The following PTPRD variants were observed in gnomAD, a reference collection of about 807,000 sequenced individuals.
PTPRD encodes protein tyrosine phosphatase receptor type D.
PTPRD carries 34 observed loss-of-function variants against 214.5 expected under a neutral mutation model. The observed-to-expected ratio is 0.16, with a 90% CI of 0.12 to 0.21. The LOEUF is 0.21. PTPRD is among the 10% of genes least tolerant of loss of function. The pLI, the probability that PTPRD is intolerant of heterozygous loss-of-function variation, is 1.00. For missense variants in PTPRD, 2,545 were observed against 2,398.7 expected (o/e 1.06, Z -1.27); for synonymous variants, 1,128 against 845.7 (o/e 1.33, Z -5.79).
intron 8 of PTPRD, among the ~76,000 whole-genome samples, chr9:9,411,927 C>T (rs1034928579): frequency 1.3e-5 from 2 of 152,184 alleles, no homozygotes; most frequent in Non-Finnish European, 2.9e-5. Context: ...TCACTTAGAC[C>T]AACCCTGTCA....
intron 11 of PTPRD, among the ~76,000 whole-genome samples, chr9:8,832,104 ATGTGTGTGTGTG>A (rs34699954): frequency 1.6e-4 from 24 of 148,868 alleles, no homozygotes; most frequent in Admixed American, 5.4e-4. Context: ...GTATGTGTAT[ATGTGTGTGTGTG>A]TGTGTGTGTG....
At chr9:9,015,367 A>G (rs1482161053) in intron 11 of PTPRD, among the ~76,000 whole-genome samples, 3 of 152,148 alleles carry the variant, frequency 2.0e-5, no homozygotes, top group Non-Finnish European at 4.4e-5. Flanking sequence ...GATGGCCACA[A>G]GAGTGACCTC....
intron 8 of PTPRD, among the ~76,000 whole-genome samples, chr9:9,465,629 T>C (rs2094082778): frequency 6.6e-6 from 1 of 152,218 alleles, no homozygotes; most frequent in Non-Finnish European, 1.5e-5. Context: ...TTGAGAACGA[T>C]CCTCTCTTCC....
At chr9:9,033,035 T>G (rs1336756524) in intron 10 of PTPRD, among the ~76,000 whole-genome samples, 2 of 152,156 alleles carry the variant, frequency 1.3e-5, no homozygotes, top group Non-Finnish European at 2.9e-5. Flanking sequence ...ACCCACCATC[T>G]GTAGTGCTCA....
At chr9:9,026,151 T>C (rs905793700) in intron 10 of PTPRD, among the ~76,000 whole-genome samples, 1 of 151,500 alleles carries the variant, frequency 6.6e-6, no homozygotes, top group African/African-American at 2.4e-5. Flanking sequence ...GGCTGATAAT[T>C]TGAGCTGAGA....
At chr9:8,496,741 C>G (rs1250425518) in intron 26 of PTPRD, among the ~76,000 whole-genome samples, 1 of 152,240 alleles carries the variant, frequency 6.6e-6, no homozygotes, top group Non-Finnish European at 1.5e-5. Flanking sequence ...ACCAAACAAT[C>G]TGACATCTCC....
intron 3 of PTPRD, among the ~76,000 whole-genome samples, chr9:10,243,518 A>G (rs573832492): frequency 6.6e-6 from 1 of 152,112 alleles, no homozygotes; most frequent in Non-Finnish European, 1.5e-5. Context: ...ATACAATTGC[A>G]TAGGTCCTCT....
intron 3 of PTPRD, among the ~76,000 whole-genome samples, chr9:10,081,055 T>A (rs2098228218): frequency 6.6e-6 from 1 of 152,208 alleles, no homozygotes; most frequent in East Asian, 1.9e-4. Flanking sequence ...GTATGGAATA[T>A]CTACTAAGAA....
intron 8 of PTPRD, among the ~76,000 whole-genome samples, chr9:9,402,954 G>T (rs1487255459): frequency 1.1e-5 from 1 of 94,504 alleles, no homozygotes; most frequent in Non-Finnish European, 1.9e-5. Flanking sequence ...TTCAACATTT[G>T]TCTAATAGGG....
intron 3 of PTPRD, among the ~76,000 whole-genome samples, chr9:10,219,960 T>G (rs1485786340): frequency 6.6e-6 from 1 of 151,778 alleles, no homozygotes; most frequent in African/African-American, 2.4e-5. Context: ...GAGTATGATC[T>G]ATGATTTCTA....
chr9:9,026,400 G>T (rs537204049), intron 10 of PTPRD, among the ~76,000 whole-genome samples: 64 of 152,020 alleles, frequency 4.2e-4, no homozygotes, highest in African/African-American at 1.5e-3. Flanking sequence ...GTTGACCATA[G>T]TAAGGTAACA....
intron 7 of PTPRD, among the ~76,000 whole-genome samples, chr9:9,629,238 G>GTATATATATATATATATATATATA (rs113482595): frequency 1.1e-4 from 16 of 140,384 alleles, no homozygotes; most frequent in African/African-American, 3.9e-4. Flanking sequence ...GTGTGTGTGT[G>GTATATATATATATATATATATATA]TATATATATA....
intron 11 of PTPRD, among the ~76,000 whole-genome samples, chr9:8,830,305 T>C (rs1389583330): frequency 6.6e-6 from 1 of 152,122 alleles, no homozygotes; most frequent in Non-Finnish European, 1.5e-5. Flanking sequence ...GCTTGCTTAG[T>C]ATAAATTTGC....
chr9:9,655,353 T>C (rs1473069091), intron 7 of PTPRD, among the ~76,000 whole-genome samples: 1 of 152,162 alleles, frequency 6.6e-6, no homozygotes, highest in Non-Finnish European at 1.5e-5. Context: ...GCAGATCACC[T>C]GAGGTCAGGA....
intron 42 of PTPRD, among the ~76,000 whole-genome samples, chr9:8,339,913 C>G (rs1215301369): frequency 6.6e-6 from 1 of 151,722 alleles, no homozygotes; most frequent in Non-Finnish European, 1.5e-5. Flanking sequence ...ATGTTGCTTT[C>G]CAACACTTTA....
intron 5 of PTPRD, among the ~76,000 whole-genome samples, chr9:9,918,003 A>G (rs2081422427): frequency 6.6e-6 from 1 of 152,048 alleles, no homozygotes; most frequent in South Asian, 2.1e-4. Flanking sequence ...CCTAAGAACG[A>G]GAAAAGACAA....
At chr9:9,654,642 G>A (rs2096462530) in intron 7 of PTPRD, among the ~76,000 whole-genome samples, 1 of 152,120 alleles carries the variant, frequency 6.6e-6, no homozygotes, top group African/African-American at 2.4e-5. Flanking sequence ...ACATTCCCAT[G>A]TTTGGTTATC....
intron 8 of PTPRD, among the ~76,000 whole-genome samples, chr9:9,494,094 C>T (rs7047629): frequency 1.3e-5 from 2 of 152,008 alleles, no homozygotes; most frequent in African/African-American, 4.8e-5. Flanking sequence ...AGAAATAGAA[C>T]TGGAGCTGGA....
chr9:10,287,176 T>G (rs1402586535), intron 3 of PTPRD, among the ~76,000 whole-genome samples: 1 of 152,156 alleles, frequency 6.6e-6, no homozygotes, highest in Non-Finnish European at 1.5e-5. Flanking sequence ...AATTCCACTT[T>G]TGGACCAAAG....
Sources: allele counts gnomAD v4.1 joint callset (sites outside exome capture counted in the v4.1 genomes callset), GRCh38; gene constraint gnomAD v4.1.1; transcripts MANE v1.5; gene names NCBI Gene and HGNC (gene_info 2026-07-23, HGNC 2026-07-21).